WDR33: variants seen among roughly 807,000 people sequenced by gnomAD.
The protein encoded by WDR33 is WD repeat domain 33.
In WDR33, 47 loss-of-function variants were observed where a neutral mutation model predicts 164.9. The ratio of observed to expected loss-of-function variants is 0.29; its 90% CI spans 0.23 to 0.36. The LOEUF is 0.36. WDR33 is among the 10% of genes least tolerant of loss of function. The pLI, the probability that WDR33 is intolerant of heterozygous loss-of-function variation, is 1.00. For synonymous variants in WDR33, 505 were observed against 589.0 expected, an observed-to-expected ratio of 0.86 and a Z score of 2.06; for missense variants, 1,137 against 1,754.1, an observed-to-expected ratio of 0.65 and a Z score of 6.28.
chr2:127,788,616 A>C (rs1173524674), intron 1 of WDR33, among the ~76,000 whole-genome samples: 2 of 109,552 alleles, frequency 1.8e-5, no homozygotes, highest in Non-Finnish European at 3.6e-5. Context: ...GGCACCCCTC[A>C]CCTCCCGGAC....
chr2:127,750,672 AAAAAAATATATATATATATAT>A (rs1558936716), intron 7 of WDR33, among the ~76,000 whole-genome samples: 29 of 67,360 alleles, frequency 4.3e-4, no homozygotes, highest in African/African-American at 2.3e-3. Flanking sequence ...AAAAAAAAAA[AAAAAAATATATATATATATAT>A]ATATATATAT....
chr2:127,701,413 C>G lies in WDR33; in HGVS notation c.*4910G>C, dbSNP rs1027479288. ...GGCACCGCGGCACTTCCGCGAGCGC[C>G]GCAGGCCCTGCCCCTTTCGCCGTCG... On this transcript the variant is annotated 3_prime_UTR_variant, in exon 22 of 22. Coordinates refer to ENST00000322313, the MANE Select transcript of WDR33 (RefSeq NM_018383.5). The G allele has an allele frequency of 6.1e-5, 64 of 1,057,300 alleles. No individual in the cohort carries two copies. Among genetic ancestry groups the G allele is most frequent in the Non-Finnish European group, 7.5e-5 (62 of 831,776 alleles). The allele number at this position is 1,057,300 out of a possible 1,614,324, so 65.5% of individuals were successfully genotyped here.
At position 127,809,045 on chromosome 2, in the gene WDR33, A is replaced by C. The variant is rs971565984; in HGVS notation, c.-24+1967T>G. Reference sequence around the variant, plus strand: ...AACTCTTGTCTCAAAAAAAAAAAAAAAAAAAAAAGAATTCCAGAAACACAT... The same window carrying C: ...AACTCTTGTCTCAAAAAAAAAAAAACAAAAAAAAGAATTCCAGAAACACAT... On this transcript the variant is annotated intron_variant, in intron 1 of 21. Coordinates refer to ENST00000322313, the MANE Select transcript of WDR33 (RefSeq NM_018383.5). Among the ~76,000 whole-genome samples the C allele has an allele frequency of 8.6e-5, 13 of 151,744 alleles. No individual in the cohort carries two copies. In the East Asian group the frequency reaches 1.7e-3, roughly 20 times the overall value.
chr2:127,736,319 CCTTTAACCTTTAAT>C, intron 7 of WDR33: 1 of 985,198 alleles, frequency 1.0e-6, no homozygotes, highest in Non-Finnish European at 1.2e-6. Context: ...TGTAAAGGGG[CCTTTAACCTTTAAT>C]TTGTAATGTG....
chr2:127,747,455 A>G (rs1420365068), intron 7 of WDR33, among the ~76,000 whole-genome samples: 1 of 152,074 alleles, frequency 6.6e-6, no homozygotes, highest in Non-Finnish European at 1.5e-5. Context: ...AAAAAAAAGT[A>G]AAAACTTTTA....
In WDR33 at chr2:127,704,331, A is replaced by C. The variant is rs1468989684; in HGVS notation, c.*1992T>G. ...CTTCAAGGTAAAATGAAAATTTTTAAATGTGATCTGGTTATCTGCTTACTG... is the reference window on the plus strand; with the variant it reads ...CTTCAAGGTAAAATGAAAATTTTTACATGTGATCTGGTTATCTGCTTACTG... On this transcript the variant is annotated 3_prime_UTR_variant, in exon 22 of 22. Transcript: ENST00000322313. 1 of 166,990 alleles carries C rather than the reference A, an allele frequency of 6.0e-6. No homozygotes were observed. The highest frequency in any genetic ancestry group is 1.5e-5 in the Non-Finnish European group (1 of 68,104). 10.3% of individuals were successfully genotyped at this position (166,990 alleles called of 1,614,324 possible).
chr2:127,793,337 A>T (rs1419475612), intron 1 of WDR33, among the ~76,000 whole-genome samples: 1 of 152,158 alleles, frequency 6.6e-6, no homozygotes, highest in Non-Finnish European at 1.5e-5. Flanking sequence ...AGGCTAAGGC[A>T]GGAGAATCGC....
intron 7 of WDR33, among the ~76,000 whole-genome samples, chr2:127,740,026 GTTGA>G (rs756626079): frequency 3.9e-5 from 6 of 152,078 alleles, no homozygotes; most frequent in African/African-American, 1.4e-4. Context: ...CATTCACTAT[GTTGA>G]TTATGTTTTT....
At chr2:127,754,217 G>C (rs1287230762) in intron 7 of WDR33, among the ~76,000 whole-genome samples, 1 of 152,198 alleles carries the variant, frequency 6.6e-6, no homozygotes, top group African/African-American at 2.4e-5. Context: ...ATACAACCTA[G>C]TCACTTAACT....
At position 127,708,286 on chromosome 2, in the gene WDR33, A is replaced by G. The variant is rs1474317812; in HGVS notation, c.3781+391T>C. ...TTGAGCACAAGCAGTGTTCCTCTAG[A>G]CCCAGGCTAAAAAAACCAACAGACC... On this transcript the variant is annotated intron_variant, in intron 21 of 21. Transcript: ENST00000322313. This position sits in a 1 kb window ranked among gnomAD's most constrained non-coding sequence, Gnocchi z 6.7. Among the ~76,000 whole-genome samples, 1 of 152,094 alleles carries G rather than the reference A, an allele frequency of 6.6e-6. No homozygotes were observed.
chr2:127,783,769 T>A (rs2105465112), intron 1 of WDR33, among the ~76,000 whole-genome samples: 1 of 152,032 alleles, frequency 6.6e-6, no homozygotes, highest in African/African-American at 2.4e-5. Context: ...CACCCCCAGC[T>A]AATTTTTTGT....
intron 7 of WDR33, among the ~76,000 whole-genome samples, chr2:127,755,569 A>C (rs1022229275): frequency 6.7e-4 from 102 of 152,248 alleles, no homozygotes; most frequent in African/African-American, 2.3e-3. Flanking sequence ...CAATGGAAGC[A>C]GTAAGGCTTT....
chr2:127,745,369 G>C (rs76838342), intron 7 of WDR33, among the ~76,000 whole-genome samples: 11,545 of 152,224 alleles, frequency 0.076, 454 homozygotes, highest in Non-Finnish European at 0.092. Flanking sequence ...ATGGGACCAC[G>C]AAGTTCCCAG....
Position 127,710,886 on chromosome 2 carries a change from C to T in WDR33, c.3309-1030G>A, listed in dbSNP as rs1686144901. ...AACAGTACAATGAACATCCCAGATCCTCCACCCAGATCAATCCCTTCTTAA... is the reference window on the plus strand; with the variant it reads ...AACAGTACAATGAACATCCCAGATCTTCCACCCAGATCAATCCCTTCTTAA... On this transcript the variant is annotated intron_variant, in intron 18 of 21. Coordinates refer to ENST00000322313, the MANE Select transcript of WDR33 (RefSeq NM_018383.5). The surrounding 1 kb of genome is among the most constrained non-coding windows in gnomAD (Gnocchi z 4.4). Among the ~76,000 whole-genome samples the T allele has an allele frequency of 6.6e-6, 1 of 152,196 alleles. No homozygotes were observed. Among genetic ancestry groups the T allele is most frequent in the Non-Finnish European group, 1.5e-5 (1 of 68,032 alleles).
Position 127,738,114 on chromosome 2 carries a change from A to T in WDR33, c.725-11337T>A. On this transcript the variant is annotated intron_variant, in intron 7 of 21. Transcript: ENST00000322313. The surrounding 1 kb of genome is among the most constrained non-coding windows in gnomAD (Gnocchi z 4.4). ...TACTGTGCAGGCAGGTATCTATCAC[A>T]TGAGCCCTGGCAGATTGTGTAATTT... The T allele has an allele frequency of 6.7e-7, 1 of 1,495,860 alleles. No homozygotes were observed. The highest frequency in any genetic ancestry group is 1.8e-4 in the Middle Eastern group (1 of 5,708). 92.7% of individuals were successfully genotyped at this position (1,495,860 alleles called of 1,614,324 possible).
Position 127,712,270 on chromosome 2 carries a change from G to A in WDR33, c.3308+1313C>T, listed in dbSNP as rs1686200277. On this transcript the variant is annotated intron_variant, in intron 18 of 21. Transcript: ENST00000322313. This position sits in a 1 kb window ranked among gnomAD's most constrained non-coding sequence, Gnocchi z 4.0. ...AAATTAGCCAGGCAAGGTGGTGTGAGCCTGTATCCCAGCTCCTCAAGAGGC... is the reference window on the plus strand; with the variant it reads ...AAATTAGCCAGGCAAGGTGGTGTGAACCTGTATCCCAGCTCCTCAAGAGGC... Among the ~76,000 whole-genome samples the A allele has an allele frequency of 6.6e-6, 1 of 152,094 alleles. No individual in the cohort carries two copies. Among genetic ancestry groups the A allele is most frequent in the South Asian group, 2.1e-4 (1 of 4,826 alleles).
At position 127,738,280 on chromosome 2, in the gene WDR33, A is replaced by G. The variant is rs537811366; in HGVS notation, c.725-11503T>C. ...ACTTCAACTGGGAGCTGGTTATATTATTAATTTCCACCATATTAAAAACAT... is the reference window on the plus strand; with the variant it reads ...ACTTCAACTGGGAGCTGGTTATATTGTTAATTTCCACCATATTAAAAACAT... On this transcript the variant is annotated intron_variant, in intron 7 of 21. Coordinates refer to ENST00000322313, the MANE Select transcript of WDR33 (RefSeq NM_018383.5). This position sits in a 1 kb window ranked among gnomAD's most constrained non-coding sequence, Gnocchi z 4.4. Among the ~76,000 whole-genome samples, 2 of 152,322 alleles carry G rather than the reference A, an allele frequency of 1.3e-5. No individual in the cohort carries two copies. The highest frequency in any genetic ancestry group is 4.8e-5 in the African/African-American group (2 of 41,576).
At chr2:127,758,159 A>G (rs1196742704) in intron 7 of WDR33, among the ~76,000 whole-genome samples, 1 of 152,186 alleles carries the variant, frequency 6.6e-6, no homozygotes, top group Non-Finnish European at 1.5e-5. Context: ...TACATTCACT[A>G]TAACCTCTAC....
chr2:127,764,713 C>G lies in WDR33; in HGVS notation c.626+115G>C. 1 of 1,613,622 alleles carries G rather than the reference C, an allele frequency of 6.2e-7. No homozygotes were observed. The highest frequency in any genetic ancestry group is 8.5e-7 in the Non-Finnish European group (1 of 1,179,752). ...AGAAAAATATTGTGTTTATAGGGTG[C>G]AGAAAGTTTCCCAGAAACTGACAGA... On this transcript the variant is annotated intron_variant, in intron 6 of 21. Coordinates refer to ENST00000322313, the MANE Select transcript of WDR33 (RefSeq NM_018383.5). This position sits in a 1 kb window ranked among gnomAD's most constrained non-coding sequence, Gnocchi z 6.2.
Sources: allele counts gnomAD v4.1 joint callset (sites outside exome capture counted in the v4.1 genomes callset), GRCh38; gene constraint gnomAD v4.1.1; non-coding constraint Gnocchi (gnomAD v3.1); transcripts MANE v1.5; gene names NCBI Gene and HGNC (gene_info 2026-07-23, HGNC 2026-07-21).